NPEPPS: variants seen among roughly 807,000 people sequenced by gnomAD.
The protein encoded by NPEPPS is puromycin-sensitive aminopeptidase.
A neutral mutation model predicts 115.5 loss-of-function variants in NPEPPS; 14 were observed. The observed-to-expected ratio is 0.12, with a 90% CI of 0.08 to 0.19. NPEPPS has a LOEUF of 0.19. Among genes scored for constraint, NPEPPS ranks in the 10% least tolerant of loss-of-function variants. The probability of loss-of-function intolerance (pLI) is 1.00; values close to 1 mark genes in which losing one functional copy is unlikely to be tolerated. For synonymous variants in NPEPPS, 285 were observed against 390.6 expected (o/e 0.73, Z 3.19); for missense variants, 523 against 1,110.8 (o/e 0.47, Z 7.52).
At chr17:47,616,377 G>A (rs186021192) in intron 19 of NPEPPS, among the ~76,000 whole-genome samples, 30 of 151,676 alleles carry the variant, frequency 2.0e-4, no homozygotes, top group East Asian at 7.8e-4. Flanking sequence ...GAGAAACTCC[G>A]GCTCTACTAA....
intron 8 of NPEPPS, 39 bp downstream of exon 8, chr17:47,586,437 A>G (rs1912184660): frequency 6.7e-7 from 1 of 1,498,346 alleles, no homozygotes; most frequent in African/African-American, 1.4e-5. Flanking sequence ...ATCTTTTCAA[A>G]TCACTGATTT....
intron 1 of NPEPPS, among the ~76,000 whole-genome samples, chr17:47,541,386 T>G (rs1452558236): frequency 6.6e-6 from 1 of 152,148 alleles, no homozygotes; most frequent in Non-Finnish European, 1.5e-5. Context: ...TGATTTTTTT[T>G]TTTTTTTAAG....
At chr17:47,583,322 C>T (rs555204849) in intron 5 of NPEPPS, among the ~76,000 whole-genome samples, 25 of 152,236 alleles carry the variant, frequency 1.6e-4, no homozygotes, top group Non-Finnish European at 2.6e-4. Flanking sequence ...TGGTGGCTTA[C>T]ACCTGTCATC....
In NPEPPS at chr17:47,569,994, G is replaced by A. The variant is rs547784279; in HGVS notation, c.418+500G>A. 2.7e-4 allele frequency among the ~76,000 whole-genome samples: 41 copies of A among 152,280 alleles called. No homozygotes were observed. In the East Asian group the frequency reaches 2.7e-3, roughly 10 times the overall value. On this transcript the variant is annotated intron_variant, in intron 3 of 22. Transcript: ENST00000322157. Reference sequence around the variant, plus strand: ...TTTCCTTCTGCGGAAGTTGGGCTACGAAAAGCAGGGTTTCCACCTCCTGTC... The same window carrying A: ...TTTCCTTCTGCGGAAGTTGGGCTACAAAAAGCAGGGTTTCCACCTCCTGTC...
Position 47,531,447 on chromosome 17 carries a change from G to T in NPEPPS, c.147G>T (p.Arg49Ser), listed in dbSNP as rs1273518045. The change falls in exon 1 of 23, where the codon AGG (arginine) becomes AGT (serine). Residue 49 changes from arginine to serine, a missense_variant. By Grantham distance (110) the Arg-to-Ser change is moderately radical. This residue lies in a region of NPEPPS where 144 missense variants were observed against 512.4 expected (regional missense o/e 0.28). Transcript: ENST00000322157. The stretch of plus-strand genomic sequence containing the variant: ...GCCTCGCCGCGATGCCGGAGAAGAG[G>T]CCCTTCGAGCGGCTGCCTGCCGATG... ...SLGLAAMPEK[R>S]PFERLPADVS... 2 of 1,561,538 alleles carry T rather than the reference G, an allele frequency of 1.3e-6. No individual in the cohort carries two copies. The highest frequency in any genetic ancestry group is 2.4e-5 in the South Asian group (2 of 84,996).
chr17:47,601,014 G>A (rs1401624011), intron 14 of NPEPPS, among the ~76,000 whole-genome samples: 1 of 152,076 alleles, frequency 6.6e-6, no homozygotes, highest in Non-Finnish European at 1.5e-5. Flanking sequence ...CTTGAGGCCA[G>A]GAGTTTGAGA....
rs200523850 is a variant in NPEPPS at position 47,559,897 on chromosome 17, A to G, written c.341-9520A>G. On this transcript the variant is annotated intron_variant, in intron 2 of 22. Transcript: ENST00000322157. ...TGCTGGGATTACAGACACAGTGCCCACCCAGCCACAAAGCCCCCAGTGTTG... is the reference window on the plus strand; with the variant it reads ...TGCTGGGATTACAGACACAGTGCCCGCCCAGCCACAAAGCCCCCAGTGTTG... Among the ~76,000 whole-genome samples, 16 of 152,002 alleles carry G rather than the reference A, an allele frequency of 1.1e-4. No homozygotes were observed. The South Asian group carries it at 3.1e-3, about 30-fold the overall frequency.
chr17:47,600,171 C>T (rs1054521371), intron 14 of NPEPPS, among the ~76,000 whole-genome samples: 10 of 152,092 alleles, frequency 6.6e-5, no homozygotes, highest in Admixed American at 1.3e-4. Flanking sequence ...CAGTGGTTCA[C>T]GCCTGTAGTC....
chr17:47,616,090 G>T (rs1376505535), intron 19 of NPEPPS, among the ~76,000 whole-genome samples: 2 of 152,170 alleles, frequency 1.3e-5, no homozygotes, highest in African/African-American at 4.8e-5. Context: ...TTGAATATTG[G>T]AGCTGAAAAG....
In NPEPPS at chr17:47,560,854, C is replaced by T. The variant is rs566619073; in HGVS notation, c.341-8563C>T. Among the ~76,000 whole-genome samples the T allele has an allele frequency of 2.6e-5, 4 of 152,260 alleles. No homozygotes were observed. In the East Asian group the frequency reaches 7.7e-4, roughly 29 times the overall value. ...AACAAAACCTCACAATGTGTTTGAT[C>T]TAGTACTGAGCTACACTGGTATATG... On this transcript the variant is annotated intron_variant, in intron 2 of 22. Coordinates refer to ENST00000322157, the MANE Select transcript of NPEPPS (RefSeq NM_006310.4).
chr17:47,606,451 G>C (rs1173018847), intron 17 of NPEPPS, among the ~76,000 whole-genome samples: 1 of 149,850 alleles, frequency 6.7e-6, no homozygotes, highest in African/African-American at 2.5e-5. Flanking sequence ...AGAGCTCTAT[G>C]TCTTGTCTTC....
At chr17:47,620,699 A>G (rs756962506) in intron 22 of NPEPPS, among the ~76,000 whole-genome samples, 6 of 152,336 alleles carry the variant, frequency 3.9e-5, no homozygotes, top group South Asian at 2.1e-4. Flanking sequence ...TAAAAGGTCT[A>G]TGTTTAATCA....
At chr17:47,602,143 G>A (rs866391249) in intron 15 of NPEPPS, among the ~76,000 whole-genome samples, 3 of 152,084 alleles carry the variant, frequency 2.0e-5, no homozygotes, top group South Asian at 2.1e-4. Context: ...TAATCGGTTC[G>A]TGTCACTGAA....
rs1358810106 is a variant in NPEPPS, at chr17:47,531,474, C to CT, written c.175dup (p.Ser59PhefsTer33). 6.2e-7 allele frequency: 1 copy of CT among 1,603,482 alleles called. No homozygotes were observed. Among genetic ancestry groups the CT allele is most frequent in the Non-Finnish European group, 8.5e-7 (1 of 1,176,516 alleles). ...CCTTCGAGCGGCTGCCTGCCGATGT[C>CT]TCCCCCATCAACTACAGCCTTTGCC... On this transcript the variant is annotated frameshift_variant, in exon 1 of 23. Transcript: ENST00000322157. LOFTEE classifies it high-confidence loss of function.
Position 47,531,445 on chromosome 17 carries a change from A to G in NPEPPS, c.145A>G (p.Arg49Gly). ...SLGLAAMPEK[R>G]PFERLPADVS... Reference sequence around the variant, plus strand: ...GGGCCTCGCCGCGATGCCGGAGAAGAGGCCCTTCGAGCGGCTGCCTGCCGA... The same window carrying G: ...GGGCCTCGCCGCGATGCCGGAGAAGGGGCCCTTCGAGCGGCTGCCTGCCGA... Residue 49 changes from arginine (R) to glycine (G), a missense_variant, in exon 1 of 23, where the codon AGG becomes GGG. Around this residue, in one of 4 missense-constraint regions of NPEPPS, gnomAD observed 144 missense variants for 512.4 expected, o/e 0.28. Transcript: ENST00000322157. The G allele has an allele frequency of 6.4e-7, 1 of 1,559,608 alleles. No individual in the cohort carries two copies. The highest frequency in any genetic ancestry group is 1.2e-5 in the South Asian group (1 of 84,842).
At chr17:47,592,875 G>T (rs1056213715) in intron 12 of NPEPPS, among the ~76,000 whole-genome samples, 9 of 151,926 alleles carry the variant, frequency 5.9e-5, no homozygotes, top group African/African-American at 2.2e-4. Flanking sequence ...ATTTACATTA[G>T]GTATTTCTCC....
At chr17:47,610,003 A>G (rs1337544284) in intron 17 of NPEPPS, among the ~76,000 whole-genome samples, 13 of 152,092 alleles carry the variant, frequency 8.5e-5, no homozygotes, top group Admixed American at 2.6e-4. Flanking sequence ...TTAATCAATC[A>G]TTTATTTCCT....
intron 17 of NPEPPS, among the ~76,000 whole-genome samples, chr17:47,610,080 C>T (rs1182811065): frequency 6.6e-6 from 1 of 151,844 alleles, no homozygotes; most frequent in Non-Finnish European, 1.5e-5. Flanking sequence ...GTATACAATT[C>T]AGTATTTGTT....
intron 2 of NPEPPS, among the ~76,000 whole-genome samples, chr17:47,565,336 C>CT (rs1555606958): frequency 6.6e-6 from 1 of 151,930 alleles, no homozygotes; most frequent in African/African-American, 2.4e-5. Context: ...TGCTGAAACT[C>CT]TATCTCTACT....
Sources: allele counts gnomAD v4.1 joint callset (sites outside exome capture counted in the v4.1 genomes callset), GRCh38; gene constraint gnomAD v4.1.1; regional missense constraint gnomAD v4.1.1; transcripts MANE v1.5; gene names NCBI Gene and HGNC (gene_info 2026-07-23, HGNC 2026-07-21).